The following GHR variants were observed in gnomAD, a reference collection of about 807,000 sequenced individuals.
GHR encodes GH receptor.
Under a neutral mutation model 67.1 loss-of-function variants are expected in GHR, and 35 were observed. The ratio of observed to expected loss-of-function variants is 0.52; its 90% CI spans 0.40 to 0.69. The LOEUF is 0.69. Ranked by LOEUF, GHR falls within the 30% of genes least tolerant of loss-of-function variation. The probability of loss-of-function intolerance (pLI) is 0.00; values close to 1 mark genes in which losing one functional copy is unlikely to be tolerated. For synonymous variants in GHR, 272 were observed against 269.1 expected (o/e 1.01, Z -0.10); for missense variants, 792 against 764.6 (o/e 1.04, Z -0.42).
chr5:42,671,955 C>CAA (rs33965774), intron 3 of GHR, among the ~76,000 whole-genome samples: 1,976 of 110,856 alleles, frequency 0.018, 44 homozygotes, highest in African/African-American at 0.046. Flanking sequence ...GACTCCGTCT[C>CAA]AAAAAAAAAA....
At chr5:42,676,024 C>T (rs561299312) in intron 3 of GHR, among the ~76,000 whole-genome samples, 15 of 152,262 alleles carry the variant, frequency 9.9e-5, no homozygotes, top group East Asian at 1.9e-4. Flanking sequence ...TGGTGGCTCA[C>T]GCCTGTAATC....
intron 1 of GHR, among the ~76,000 whole-genome samples, chr5:42,552,208 T>C (rs993943481): frequency 8.5e-5 from 13 of 152,216 alleles, no homozygotes; most frequent in African/African-American, 3.1e-4. Flanking sequence ...ACTGAACTTT[T>C]AATTCAGGAG....
rs1252789636 is a variant in GHR, at chr5:42,688,823, C to T, written c.137-67C>T. Reference sequence around the variant, plus strand: ...GTAGTTTCTTCACACACTTTAGATACGTGTCTCATTAGGATCACATATGAC... The same window carrying T: ...GTAGTTTCTTCACACACTTTAGATATGTGTCTCATTAGGATCACATATGAC... On this transcript the variant is annotated intron_variant, in intron 3 of 9. Coordinates refer to ENST00000230882, the MANE Select transcript of GHR (RefSeq NM_000163.5). 1.1e-5 allele frequency: 15 copies of T among 1,394,200 alleles called. 1 individual carries two copies. In the South Asian group the frequency reaches 1.3e-4, roughly 12 times the overall value. The allele number at this position is 1,394,200 out of a possible 1,614,324, so 86.4% of individuals were successfully genotyped here.
chr5:42,551,745 A>G (rs1413641460), intron 1 of GHR, among the ~76,000 whole-genome samples: 2 of 152,192 alleles, frequency 1.3e-5, no homozygotes, highest in Admixed American at 1.3e-4. Flanking sequence ...ATCCAGGTGT[A>G]TTATTTCCCT....
At chr5:42,560,521 G>A (rs529186050) in intron 1 of GHR, among the ~76,000 whole-genome samples, 39 of 152,184 alleles carry the variant, frequency 2.6e-4, no homozygotes, top group African/African-American at 8.7e-4. Flanking sequence ...TTTTGATAAA[G>A]GTGTTATGGA....
At chr5:42,594,985 A>G (rs1290124798) in intron 2 of GHR, among the ~76,000 whole-genome samples, 3 of 152,176 alleles carry the variant, frequency 2.0e-5, no homozygotes, top group Non-Finnish European at 2.9e-5. Context: ...GCTCACCAAT[A>G]TAATACATAT....
intron 1 of GHR, among the ~76,000 whole-genome samples, chr5:42,459,935 C>G (rs1018613493): frequency 2.0e-5 from 3 of 152,156 alleles, no homozygotes; most frequent in African/African-American, 7.2e-5. Flanking sequence ...GTCATGGACT[C>G]AATGTTTTTG....
At chr5:42,657,596 C>T (rs143656107) in intron 3 of GHR, among the ~76,000 whole-genome samples, 1 of 152,258 alleles carries the variant, frequency 6.6e-6, no homozygotes, top group African/African-American at 2.4e-5. Context: ...CACCTGACCT[C>T]TTCTCTTCAC....
At chr5:42,632,507 T>C (rs1279397570) in intron 3 of GHR, among the ~76,000 whole-genome samples, 1 of 152,242 alleles carries the variant, frequency 6.6e-6, no homozygotes, top group Non-Finnish European at 1.5e-5. Flanking sequence ...CACCAAAAAC[T>C]GTCTGTCACA....
chr5:42,623,774 C>G (rs537553078), intron 2 of GHR, among the ~76,000 whole-genome samples: 3 of 152,274 alleles, frequency 2.0e-5, no homozygotes, highest in African/African-American at 4.8e-5. Context: ...TTTAAAAGTG[C>G]CTATTTATTG....
chr5:42,718,393 AATTC>A, intron 9 of GHR, 56 bp from the exon 10 acceptor site: 1 of 1,207,174 alleles, frequency 8.3e-7, no homozygotes, highest in Admixed American at 1.7e-5. Flanking sequence ...ATTATTTGCT[AATTC>A]ATTTAATTAT....
chr5:42,699,226 A>C lies in GHR; in HGVS notation c.440-598A>C, dbSNP rs4866946. On this transcript the variant is annotated intron_variant, in intron 5 of 9. Transcript: ENST00000230882. ...AGAAGAGTAAAAAAGGATAATGGCT[A>C]GGACCAGGTTATAGTGGTGCAGGCG... Among the ~76,000 whole-genome samples the C allele has an allele frequency of 7.8e-3, 1,188 of 152,336 alleles. 51 individuals are homozygous for C. The highest frequency in any genetic ancestry group is 0.069 in the Admixed American group (1,049 of 15,292).
intron 6 of GHR, among the ~76,000 whole-genome samples, chr5:42,710,008 C>T (rs979318261): frequency 6.6e-6 from 1 of 150,878 alleles, no homozygotes; most frequent in Non-Finnish European, 1.5e-5. Context: ...GTGACAATAA[C>T]AGAGAAATAA....
chr5:42,459,392 C>G (rs1389063141), intron 1 of GHR, among the ~76,000 whole-genome samples: 1 of 152,108 alleles, frequency 6.6e-6, no homozygotes, highest in Non-Finnish European at 1.5e-5. Flanking sequence ...GGCCATTATC[C>G]TAAGTGGACT....
chr5:42,476,853 A>G (rs1745347945), intron 1 of GHR, among the ~76,000 whole-genome samples: 2 of 151,812 alleles, frequency 1.3e-5, no homozygotes, highest in African/African-American at 4.8e-5. Flanking sequence ...CTTCTCACAC[A>G]CACTTGTGAT....
chr5:42,712,477 T>G (rs1481156757), intron 7 of GHR, among the ~76,000 whole-genome samples: 1 of 152,146 alleles, frequency 6.6e-6, no homozygotes, highest in Non-Finnish European at 1.5e-5. Flanking sequence ...TGATATGAAA[T>G]TATAGACACT....
chr5:42,658,388 G>A (rs1418250869), intron 3 of GHR, among the ~76,000 whole-genome samples: 1 of 152,136 alleles, frequency 6.6e-6, no homozygotes, highest in East Asian at 1.9e-4. Flanking sequence ...TTCCTTCTCT[G>A]TAAAATGAGG....
chr5:42,500,365 G>A (rs1746489317), intron 1 of GHR, among the ~76,000 whole-genome samples: 1 of 152,250 alleles, frequency 6.6e-6, no homozygotes, highest in Admixed American at 6.5e-5. Context: ...GATCACCTGG[G>A]TTTAAATCTG....
chr5:42,670,281 T>G (rs1488017518), intron 3 of GHR, among the ~76,000 whole-genome samples: 1 of 152,194 alleles, frequency 6.6e-6, no homozygotes, highest in Non-Finnish European at 1.5e-5. Flanking sequence ...AAAGACAGTG[T>G]CTTCAATAAA....
Sources: gnomAD v4.1 joint callset for allele counts (sites outside exome capture counted in the v4.1 genomes callset) on GRCh38, gnomAD v4.1.1 for gene constraint, MANE v1.5 for transcripts, NCBI Gene and HGNC (gene_info 2026-07-23, HGNC 2026-07-21) for gene names.